PCDHGA2: variants seen among roughly 807,000 people sequenced by gnomAD.
PCDHGA2 encodes the protein protocadherin gamma subfamily A, 2, also known as protocadherin gamma-A2.
PCDHGA2 carries 40 observed loss-of-function variants against 59.2 expected under a neutral mutation model. The ratio of observed to expected loss-of-function variants is 0.68; its 90% CI spans 0.52 to 0.88. The LOEUF is 0.88. PCDHGA2 is among the 40% of genes least tolerant of loss of function. PCDHGA2 has a pLI of 0.00. For synonymous variants in PCDHGA2, 560 were observed against 526.0 expected (o/e 1.06, Z -0.89); for missense variants, 1,226 against 1,204.0 (o/e 1.02, Z -0.27).
Position 141,390,510 on chromosome 5 carries a change from TAA to T in PCDHGA2, c.2424+49117_2424+49118del. The T allele has an allele frequency of 5.1e-6, 3 of 587,534 alleles. No homozygotes were observed. The South Asian group carries it at 6.4e-5, about 13-fold the overall frequency. 36.4% of individuals were successfully genotyped at this position (587,534 alleles called of 1,614,324 possible). A position where few individuals can be genotyped will look rare whatever the true frequency, so the allele number is the denominator to read the frequency against. The stretch of plus-strand genomic sequence containing the variant: ...TGTTTTTTAGCCAAGCTTAGATTTA[TAA>T]AGCAATGAGGGTGTGGTTTTAACCA... On this transcript the variant is annotated intron_variant, in intron 1 of 3. Transcript: ENST00000394576.
At chr5:141,399,515 C>G (rs748098945) in intron 1 of PCDHGA2, 1 of 1,614,040 alleles carries the variant, frequency 6.2e-7, no homozygotes, top group Non-Finnish European at 8.5e-7. Context: ...AACAACCCTC[C>G]TGGGGCCTCC....
chr5:141,365,276 C>G, intron 1 of PCDHGA2: 1 of 1,613,968 alleles, frequency 6.2e-7, no homozygotes, highest in Non-Finnish European at 8.5e-7. Flanking sequence ...CAGATTCTAC[C>G]TCATGGAAGT....
chr5:141,357,073 G>A (rs771776855), intron 1 of PCDHGA2: 43 of 1,613,956 alleles, frequency 2.7e-5, no homozygotes, highest in Non-Finnish European at 3.6e-5. Context: ...GCACACAGGC[G>A]AGGTGCGCAC....
chr5:141,404,415 T>C, intron 1 of PCDHGA2: 1 of 1,613,844 alleles, frequency 6.2e-7, no homozygotes, highest in Non-Finnish European at 8.5e-7. Context: ...TCTAGAGTTA[T>C]TTACTCCTTG....
intron 1 of PCDHGA2, chr5:141,361,558 A>G (rs775084773): frequency 6.2e-7 from 1 of 1,614,012 alleles, no homozygotes; most frequent in South Asian, 1.1e-5. Context: ...CGCTCAAATC[A>G]GTGCCTCTGA....
chr5:141,390,561 G>A (rs921631416), intron 1 of PCDHGA2: 1 of 436,212 alleles, frequency 2.3e-6, no homozygotes, highest in African/African-American at 2.0e-5. Flanking sequence ...TTAGACAGTT[G>A]TTGGCTCTCT....
At chr5:141,349,642 T>A (rs776497307) in intron 1 of PCDHGA2, among the ~76,000 whole-genome samples, 1 of 152,244 alleles carries the variant, frequency 6.6e-6, no homozygotes, top group African/African-American at 2.4e-5. Flanking sequence ...ATGGAGAGAT[T>A]TAAAATACTA....
At chr5:141,422,705 C>A in intron 1 of PCDHGA2, 1 of 1,602,702 alleles carries the variant, frequency 6.2e-7, no homozygotes, top group East Asian at 2.2e-5. Flanking sequence ...TACTCTCTGA[C>A]GGATGACACT....
intron 1 of PCDHGA2, chr5:141,365,663 G>A (rs117201633): frequency 1.9e-6 from 3 of 1,613,390 alleles, no homozygotes; most frequent in African/African-American, 1.3e-5. Context: ...AGTAGCAGAC[G>A]TTAATGACAA....
chr5:141,415,885 C>A (rs778154458), intron 1 of PCDHGA2: 7 of 978,904 alleles, frequency 7.2e-6, no homozygotes, highest in Non-Finnish European at 9.6e-6. Context: ...ACAATATTGA[C>A]AATTCCTAAG....
chr5:141,410,847 G>GTATTTT, intron 1 of PCDHGA2: 1 of 158,250 alleles, frequency 6.3e-6, no homozygotes, highest in Non-Finnish European at 1.0e-5. Flanking sequence ...TTTTGTCTTT[G>GTATTTT]TCTTTTTTTT....
rs776685212 is a variant in PCDHGA2 at position 141,370,880 on chromosome 5, A to T, written c.2424+29485A>T. The stretch of plus-strand genomic sequence containing the variant: ...TGGAATCTGCGCAAGATCCTGATGT[A>T]GGTGTCAATTCGCTGCAGCAGTACT... On this transcript the variant is annotated intron_variant, in intron 1 of 3. Coordinates refer to ENST00000394576, the MANE Select transcript of PCDHGA2 (RefSeq NM_018915.4). 4 of 1,614,042 alleles carry T rather than the reference A, an allele frequency of 2.5e-6. No individual in the cohort carries two copies. In the South Asian group the frequency reaches 3.3e-5, roughly 13 times the overall value.
chr5:141,491,414 G>C lies in PCDHGA2; in HGVS notation c.2425-3393G>C, dbSNP rs137987971. 35 of 1,614,008 alleles carry C rather than the reference G, an allele frequency of 2.2e-5. No homozygotes were observed. Among genetic ancestry groups the C allele is most frequent in the African/African-American group, 1.3e-4 (10 of 74,910 alleles). On this transcript the variant is annotated intron_variant, in intron 1 of 3. Coordinates refer to ENST00000394576, the MANE Select transcript of PCDHGA2 (RefSeq NM_018915.4). The surrounding 1 kb of genome is among the most constrained non-coding windows in gnomAD (Gnocchi z 6.9). ...CTTCAGGGAAACGCAGACGGGGACG[G>C]GGGTGGAGGGCAGTGCTGCAGGCGC...
At chr5:141,371,162 C>A (rs1767541774) in intron 1 of PCDHGA2, 3 of 1,613,860 alleles carry the variant, frequency 1.9e-6, no homozygotes, top group African/African-American at 2.7e-5. Flanking sequence ...AGAACCTGCC[C>A]GCTGGCTCCT....
intron 1 of PCDHGA2, among the ~76,000 whole-genome samples, chr5:141,455,246 G>A (rs2098817522): frequency 6.6e-6 from 1 of 151,962 alleles, no homozygotes; most frequent in Non-Finnish European, 1.5e-5. Context: ...AAAGGTCATA[G>A]TACAATCGCA....
intron 1 of PCDHGA2, chr5:141,357,808 AT>A: frequency 1.3e-6 from 1 of 767,124 alleles, no homozygotes; most frequent in African/African-American, 1.8e-5. Flanking sequence ...AATGTTGTTT[AT>A]TACTTATCCT....
Position 141,397,997 on chromosome 5 carries a change from C to T in PCDHGA2, c.2424+56602C>T, listed in dbSNP as rs2093595590. ...GCCGGCCTTTACACCGCTTCCTCCTCGGAAAAAGAATCGTTTCCTAAACTG... is the reference window on the plus strand; with the variant it reads ...GCCGGCCTTTACACCGCTTCCTCCTTGGAAAAAGAATCGTTTCCTAAACTG... On this transcript the variant is annotated intron_variant, in intron 1 of 3. Coordinates refer to ENST00000394576, the MANE Select transcript of PCDHGA2 (RefSeq NM_018915.4). The T allele has an allele frequency of 6.6e-6, 9 of 1,372,980 alleles. No individual in the cohort carries two copies. The Admixed American group carries it at 2.4e-4, about 37-fold the overall frequency. The allele number at this position is 1,372,980 out of a possible 1,614,324, so 85.0% of individuals were successfully genotyped here.
Position 141,477,376 on chromosome 5 carries a change from G to A in PCDHGA2, c.2425-17431G>A. The A allele has an allele frequency of 6.2e-7, 1 of 1,614,146 alleles. No homozygotes were observed. Among genetic ancestry groups the A allele is most frequent in the Non-Finnish European group, 8.5e-7 (1 of 1,180,026 alleles). ...GTGCAGACCTGGATCGGGAGACTGT[G>A]CCAGAATACAACCTCAGCATCACCG... On this transcript the variant is annotated intron_variant, in intron 1 of 3. Transcript: ENST00000394576. This position sits in a 1 kb window ranked among gnomAD's most constrained non-coding sequence, Gnocchi z 4.9.
chr5:141,431,673 G>A lies in PCDHGA2; in HGVS notation c.2425-63134G>A. On this transcript the variant is annotated intron_variant, in intron 1 of 3. Coordinates refer to ENST00000394576, the MANE Select transcript of PCDHGA2 (RefSeq NM_018915.4). The surrounding 1 kb of genome is among the most constrained non-coding windows in gnomAD (Gnocchi z 4.8). ...AATTCAGGGACAATATCAACAATAG[G>A]GGAGTTGGACCACGAGGAGTCAGGA... 1 of 1,614,214 alleles carries A rather than the reference G, an allele frequency of 6.2e-7. No homozygotes were observed. The highest frequency in any genetic ancestry group is 8.5e-7 in the Non-Finnish European group (1 of 1,180,044).
Sources: allele counts gnomAD v4.1 joint callset (sites outside exome capture counted in the v4.1 genomes callset), GRCh38; gene constraint gnomAD v4.1.1; non-coding constraint Gnocchi (gnomAD v3.1); transcripts MANE v1.5; gene names NCBI Gene and HGNC (gene_info 2026-07-23, HGNC 2026-07-21).